ENAM: variants seen among roughly 807,000 people sequenced by gnomAD.
The protein encoded by ENAM is amelogenesis imperfecta 2, hypocalcification (autosomal dominant).
A neutral mutation model predicts 33.6 loss-of-function variants in ENAM; 21 were observed. The observed-to-expected ratio is 0.63, with a 90% confidence interval of 0.44 to 0.90. The LOEUF is 0.90. Among genes scored for constraint, ENAM ranks in the 40% least tolerant of loss-of-function variants. The pLI is 0.00. For synonymous variants in ENAM, 473 were observed against 468.4 expected, an observed-to-expected ratio of 1.01 and a Z score of -0.13; for missense variants, 1,388 against 1,366.9, an observed-to-expected ratio of 1.02 and a Z score of -0.24.
intron 8 of ENAM, among the ~76,000 whole-genome samples, chr4:70,640,227 C>T (rs1249177428): frequency 6.6e-6 from 1 of 151,942 alleles, no homozygotes; most frequent in East Asian, 1.9e-4. Context: ...TGGAAGAATC[C>T]CAGGAAAATA....
At chr4:70,629,298 TTTA>T in intron 1 of ENAM, 140 bp from the exon 2 acceptor site, 1 of 591,342 alleles carries the variant, frequency 1.7e-6, no homozygotes, top group Admixed American at 3.0e-5. Flanking sequence ...TCATCCTACT[TTTA>T]AAGCAACAGA....
At chr4:70,640,137 A>T (rs1448245004) in intron 8 of ENAM, among the ~76,000 whole-genome samples, 1 of 152,266 alleles carries the variant, frequency 6.6e-6, no homozygotes, top group South Asian at 2.1e-4. Flanking sequence ...TATTAAGAAC[A>T]TCCCACTCTC....
chr4:70,629,673 G>GTGAAAGCAGATGCT, intron 2 of ENAM, 119 bp downstream of exon 2: 1 of 819,286 alleles, frequency 1.2e-6, no homozygotes, highest in Non-Finnish European at 2.2e-6. Context: ...AAGAGCATCT[G>GTGAAAGCAGATGCT]CTTTCACAGA....
intron 7 of ENAM, chr4:70,637,537 C>T: frequency 2.0e-6 from 1 of 492,400 alleles, no homozygotes; most frequent in Non-Finnish European, 3.7e-6. Flanking sequence ...CCAACAGATG[C>T]AGCCATACAG....
Position 70,629,456 on chromosome 4 carries a change from A to C in ENAM, c.-45A>C. 7.0e-7 allele frequency: 1 copy of C among 1,430,468 alleles called. No individual in the cohort carries two copies. The highest frequency in any genetic ancestry group is 1.4e-5 in the African/African-American group (1 of 71,444). 88.6% of individuals were successfully genotyped at this position (1,430,468 alleles called of 1,614,324 possible). A position where few individuals can be genotyped will look rare whatever the true frequency, so the allele number is the denominator to read the frequency against. On this transcript the variant is annotated 5_prime_UTR_variant, in exon 2 of 9. Transcript: ENST00000396073. ...TATATTTTAGTTTCTTCTCAGGTTA[A>C]AGCTGTATTTTTCTTAAAGGCTTAT... is the stretch of plus-strand genomic sequence containing the variant.
chr4:70,630,985 A>G (rs2553322), intron 2 of ENAM, among the ~76,000 whole-genome samples: 13,795 of 152,038 alleles, frequency 0.091, 1,990 homozygotes, highest in African/African-American at 0.3. Context: ...CAGGGGATCC[A>G]CCCACCTCAG....
chr4:70,641,175 C>T (rs573388978), intron 8 of ENAM, among the ~76,000 whole-genome samples: 22 of 152,122 alleles, frequency 1.4e-4, no homozygotes, highest in African/African-American at 4.3e-4. Context: ...GGAGATTTCA[C>T]GGGAGATGAG....
chr4:70,634,595 A>G, intron 6 of ENAM, 27 bp downstream of exon 6: 4 of 1,611,500 alleles, frequency 2.5e-6, no homozygotes, highest in Non-Finnish European at 3.4e-6. Flanking sequence ...AAAATTCCAT[A>G]TCTGTAAATG....
rs1034990914 is a variant in ENAM at position 70,646,583 on chromosome 4, A to G, written c.*1728A>G. On this transcript the variant is annotated 3_prime_UTR_variant, in exon 9 of 9. Transcript: ENST00000396073. ...TGCTTTTCCTGAAAGGTGACTGTCT[A>G]GGATGCTGAATGAGCCACCACTCCG... 6.6e-6 allele frequency: 1 copy of G among 152,206 alleles called. No homozygotes were observed. The highest frequency in any genetic ancestry group is 2.4e-5 in the African/African-American group (1 of 41,454). 9.4% of individuals were successfully genotyped at this position (152,206 alleles called of 1,614,324 possible). A position where few individuals can be genotyped will look rare whatever the true frequency, so the allele number is the denominator to read the frequency against.
chr4:70,644,105 T>G lies in ENAM; in HGVS notation c.2679T>G (p.Thr893=). The change falls in exon 9 of 9, where the codon ACT becomes ACG. Residue 893 remains threonine, a synonymous_variant. Transcript: ENST00000396073. ...KDNPLALQDY[T]PSYGLAPGEN... is the part of the protein sequence containing the mutation. ...ATCCACTAGCTCTACAAGACTACACTCCATCCTATGGTCTTGCACCTGGGG... is the reference window on the plus strand; with the variant it reads ...ATCCACTAGCTCTACAAGACTACACGCCATCCTATGGTCTTGCACCTGGGG... 1.2e-6 allele frequency: 2 copies of G among 1,614,010 alleles called. No individual in the cohort carries two copies. The highest frequency in any genetic ancestry group is 1.7e-6 in the Non-Finnish European group (2 of 1,179,998).
At chr4:70,637,347 T>G (rs1029806229) in intron 7 of ENAM, among the ~76,000 whole-genome samples, 1 of 152,160 alleles carries the variant, frequency 6.6e-6, no homozygotes, top group African/African-American at 2.4e-5. Flanking sequence ...TGAAGCCACA[T>G]TCTAAAAATA....
rs781246013 is a variant in ENAM, at chr4:70,642,365, G to A, written c.939G>A (p.Gln313=). 6.2e-7 allele frequency: 1 copy of A among 1,614,168 alleles called. No individual in the cohort carries two copies. Among genetic ancestry groups the A allele is most frequent in the South Asian group, 1.1e-5 (1 of 91,088 alleles). The change falls in exon 9 of 9, where the codon CAG becomes CAA. Residue 313 remains glutamine (Q), a synonymous_variant. Coordinates refer to ENST00000396073, the MANE Select transcript of ENAM (RefSeq NM_031889.3). The part of the protein sequence containing the change: ...PGSQIPWRPS[Q]PNIRENHPYP... ...GTCAAATCCCATGGAGACCAAGTCA[G>A]CCAAATATTCGTGAAAATCATCCAT...
chr4:70,640,720 C>T (rs1738575620), intron 8 of ENAM, among the ~76,000 whole-genome samples: 1 of 151,998 alleles, frequency 6.6e-6, no homozygotes, highest in Non-Finnish European at 1.5e-5. Flanking sequence ...ATGAATAAAC[C>T]AAGGTTGGCC....
chr4:70,629,370 A>C (rs1368891208), intron 1 of ENAM, 71 bp from the exon 2 acceptor site: 1 of 776,746 alleles, frequency 1.3e-6, no homozygotes, highest in Non-Finnish European at 2.3e-6. Context: ...AATAATTAAC[A>C]TGACATGTGC....
At chr4:70,633,985 T>G (rs1349486760) in intron 5 of ENAM, among the ~76,000 whole-genome samples, 1 of 152,228 alleles carries the variant, frequency 6.6e-6, no homozygotes, top group African/African-American at 2.4e-5. Context: ...ACATTAAATC[T>G]TCTGTAACCT....
At chr4:70,632,460 A>G (rs1402079672) in intron 4 of ENAM, among the ~76,000 whole-genome samples, 191 bp from the exon 5 acceptor site, 1 of 152,078 alleles carries the variant, frequency 6.6e-6, no homozygotes, top group African/African-American at 2.4e-5. Context: ...AGCTTCTTTA[A>G]TTGTATACTT....
Position 70,631,835 on chromosome 4 carries a change from T to A in ENAM, c.124-14T>A. 6.2e-7 allele frequency: 1 copy of A among 1,613,912 alleles called. No homozygotes were observed. Among genetic ancestry groups the A allele is most frequent in the Non-Finnish European group, 8.5e-7 (1 of 1,179,782 alleles). ...GATGTTCTGCATTTGTCACTGACATTCTCTTACTTCCAGATGCACATGCCC... is the reference window on the plus strand; with the variant it reads ...GATGTTCTGCATTTGTCACTGACATACTCTTACTTCCAGATGCACATGCCC... On this transcript the variant is annotated splice_polypyrimidine_tract_variant and intron_variant, in intron 3 of 8. Transcript: ENST00000396073.
At chr4:70,641,230 A>G (rs1164787510) in intron 8 of ENAM, among the ~76,000 whole-genome samples, 1 of 152,106 alleles carries the variant, frequency 6.6e-6, no homozygotes, top group African/African-American at 2.4e-5. Flanking sequence ...TGAAATCTTT[A>G]GTGGAGATGT....
At chr4:70,634,663 C>A (rs1738407669) in intron 6 of ENAM, 95 bp downstream of exon 6, 1 of 1,196,858 alleles carries the variant, frequency 8.4e-7, no homozygotes, top group Non-Finnish European at 1.2e-6. Context: ...AATACAGGTA[C>A]TCTGTTGCAA....
Sources: gnomAD v4.1 joint callset for allele counts (sites outside exome capture counted in the v4.1 genomes callset) on GRCh38, gnomAD v4.1.1 for gene constraint, MANE v1.5 for transcripts, NCBI Gene and HGNC (gene_info 2026-07-23, HGNC 2026-07-21) for gene names.